Variants in IRF1 observed in about 807,000 individuals in gnomAD.
IRF1 encodes interferon regulatory factor-1.
A neutral mutation model predicts 43.7 loss-of-function variants in IRF1; 13 were observed. The observed-to-expected ratio is 0.30, with a 90% confidence interval of 0.19 to 0.47. IRF1 has a LOEUF of 0.47. Ranked by LOEUF, IRF1 falls within the 20% of genes least tolerant of loss-of-function variation. The pLI, the probability that IRF1 is intolerant of heterozygous loss-of-function variation, is 0.99. For synonymous variants in IRF1, 138 were observed against 146.8 expected (o/e 0.94, Z 0.43); for missense variants, 236 against 408.9 (o/e 0.58, Z 3.65).
intron 3 of IRF1, chr5:132,487,408 T>G (rs1754564530): frequency 2.1e-6 from 1 of 466,276 alleles, no homozygotes; most frequent in Non-Finnish European, 3.9e-6. Context: ...ACTATCTGTG[T>G]CTCAGACTAT....
In IRF1 at chr5:132,486,350, T is replaced by C. The variant is rs778137159; in HGVS notation, c.568A>G (p.Ser190Gly). 1.2e-5 allele frequency: 20 copies of C among 1,612,560 alleles called. No homozygotes were observed. In the Admixed American group the frequency reaches 3.3e-4, roughly 27 times the overall value. ...GGGATGTGCCAGTCGGGGAGAGTGC[T>C]GCTGACAGCACATGGCGACAGTGCT... The part of the protein sequence containing the change: ...TPALSPCAVS[S>G]TLPDWHIPVE... The change falls in exon 7 of 10, where the codon AGC becomes GGC. Residue 190 changes from serine to glycine, a missense_variant. Physicochemically the swap from Ser to Gly is moderately conservative, Grantham distance 56 (BLOSUM62 0). Transcript: ENST00000245414.
intron 3 of IRF1, chr5:132,487,480 C>A (rs1305463180): frequency 5.5e-6 from 2 of 366,452 alleles, no homozygotes; most frequent in African/African-American, 4.1e-5. Context: ...GACTGGGCAG[C>A]AGAGAACAGT....
intron 3 of IRF1, 148 bp from the exon 4 acceptor site, chr5:132,487,278 C>T: frequency 7.9e-6 from 6 of 764,296 alleles, no homozygotes; most frequent in Non-Finnish European, 1.1e-5. Flanking sequence ...CTCCCGGTGA[C>T]ACTCTGCAGG....
chr5:132,489,729 T>G (rs1464750470), intron 1 of IRF1: 1 of 431,542 alleles, frequency 2.3e-6, no homozygotes, highest in Non-Finnish European at 4.3e-6. Flanking sequence ...GAGACAGGCA[T>G]GCAAGTGATG....
rs1201678840 is a variant in IRF1, at chr5:132,486,299, T to C, written c.619A>G (p.Ser207Gly). Residue 207 changes from serine to glycine, a missense_variant, in exon 7 of 10, where the codon AGT (serine) becomes GGT (glycine). Around this residue, in one of 2 missense-constraint regions of IRF1, gnomAD observed 170 missense variants for 251.8 expected, o/e 0.68. Coordinates refer to ENST00000245414, the MANE Select transcript of IRF1 (RefSeq NM_002198.3). ...IPVEVVPDST[S>G]DLYNFQVSPM... ...GACACCTGGAAGTTGTACAGATCAC[T>C]GGTGCTGTCCGGCACAACTTCCACT... 5 of 1,613,476 alleles carry C rather than the reference T, an allele frequency of 3.1e-6. No homozygotes were observed. Among genetic ancestry groups the C allele is most frequent in the Non-Finnish European group, 4.2e-6 (5 of 1,180,010 alleles).
Position 132,486,174 on chromosome 5 carries a change from T to G in IRF1, c.667+77A>C, listed in dbSNP as rs10214312. On this transcript the variant is annotated intron_variant, in intron 7 of 9. Coordinates refer to ENST00000245414, the MANE Select transcript of IRF1 (RefSeq NM_002198.3). ...AATTCAGTGCCAGGTGGAGTTCTGA[T>G]CATCTTTTCTCTCTCAGGAAGCCCT... 540,485 of 1,569,128 alleles carry G rather than the reference T, an allele frequency of 0.34. 94,812 individuals carry two copies. Among genetic ancestry groups the G allele is most frequent in the African/African-American group, 0.49 (36,171 of 73,986 alleles).
intron 1 of IRF1, chr5:132,489,697 C>G: frequency 2.0e-6 from 1 of 502,246 alleles, no homozygotes; most frequent in Admixed American, 3.1e-5. Flanking sequence ...TTCCTTCAGC[C>G]CCTCCCAGCC....
intron 8 of IRF1, 180 bp from the exon 9 acceptor site, chr5:132,484,677 A>G (rs1249680912): frequency 1.5e-6 from 1 of 675,680 alleles, no homozygotes; most frequent in East Asian, 2.7e-5. Flanking sequence ...GAGGAGGCAG[A>G]AATGCATGTT....
chr5:132,489,366 A>G, intron 2 of IRF1, 26 bp downstream of exon 2: 2 of 1,556,188 alleles, frequency 1.3e-6, no homozygotes, highest in Non-Finnish European at 1.8e-6. Flanking sequence ...AAACAGTGGC[A>G]GGAAAACCCA....
At chr5:132,485,418 C>T in intron 8 of IRF1, 1 of 542,258 alleles carries the variant, frequency 1.8e-6, no homozygotes, top group Non-Finnish European at 3.4e-6. Context: ...GTGCCTGACT[C>T]ACAGAGCTGT....
At chr5:132,489,542 A>T in intron 1 of IRF1, 59 bp from the exon 2 acceptor site, 5 of 1,356,852 alleles carry the variant, frequency 3.7e-6, no homozygotes, top group Non-Finnish European at 4.2e-6. Context: ...CTGGGCAGTG[A>T]CCTGCCCCAC....
At chr5:132,485,346 C>T (rs558500603) in intron 8 of IRF1, 6 of 325,178 alleles carry the variant, frequency 1.8e-5, no homozygotes, top group South Asian at 6.1e-5. Context: ...GTGCATTTCC[C>T]GAACTAGCAG....
At chr5:132,487,897 C>T (rs767077054) in intron 3 of IRF1, 29 bp downstream of exon 3, 109 of 1,547,886 alleles carry the variant, frequency 7.0e-5, no homozygotes, top group Non-Finnish European at 9.5e-5. Context: ...CTACCCTGGG[C>T]TTCCTAGGCC....
At chr5:132,489,621 A>G (rs1191534143) in intron 1 of IRF1, 138 bp from the exon 2 acceptor site, 4 of 629,688 alleles carry the variant, frequency 6.4e-6, no homozygotes, top group Non-Finnish European at 1.1e-5. Flanking sequence ...TGCGGAGGGG[A>G]GCTGCGCTGG....
intron 8 of IRF1, 127 bp downstream of exon 8, chr5:132,485,540 G>T (rs1231601131): frequency 2.5e-6 from 2 of 812,360 alleles, no homozygotes; most frequent in Non-Finnish European, 4.4e-6. Context: ...TGTGGCACTT[G>T]TGGGACAATG....
At chr5:132,486,159 C>A in intron 7 of IRF1, 92 bp downstream of exon 7, 1 of 1,522,922 alleles carries the variant, frequency 6.6e-7, no homozygotes, top group South Asian at 1.2e-5. Flanking sequence ...AATTCAGTGC[C>A]AGGTGGAGTT....
chr5:132,485,849 A>ACACACACACACACAC lies in IRF1; in HGVS notation c.668-134_668-133insGTGTGTGTGTGTGTG, dbSNP rs111906639. The ACACACACACACACAC allele has an allele frequency of 5.4e-4, 359 of 669,882 alleles. 1 individual carries two copies. Among genetic ancestry groups the ACACACACACACACAC allele is most frequent in the East Asian group, 2.1e-3 (76 of 36,440 alleles). The allele number at this position is 669,882 out of a possible 1,614,324, so 41.5% of individuals were successfully genotyped here. On this transcript the variant is annotated intron_variant, in intron 7 of 9. Transcript: ENST00000245414. The stretch of plus-strand genomic sequence containing the variant: ...CTCTGACACACACACACACACACAC[A>ACACACACACACACAC]CCCTCCCGGTGGACCTATCTGCCAT...
intron 9 of IRF1, 91 bp downstream of exon 9, chr5:132,484,271 G>A (rs768895072): frequency 2.5e-5 from 34 of 1,361,770 alleles, no homozygotes; most frequent in East Asian, 4.9e-5. Flanking sequence ...ATGCTTTACC[G>A]CCCTGCTCCC....
chr5:132,484,062 C>T lies in IRF1; in HGVS notation c.867G>A (p.Leu289=). ...GATCTGTGAAGACACGCTGTAGACT[C>T]AGCCCAATATCCCCTAGAAGATGTG... ...EIDSPGGDIG[L]SLQRVFTDLK... is the part of the protein sequence containing the mutation. Residue 289 remains leucine, a synonymous_variant, in exon 10 of 10, where the codon CTG becomes CTA. Coordinates refer to ENST00000245414, the MANE Select transcript of IRF1 (RefSeq NM_002198.3). 2 of 1,613,972 alleles carry T rather than the reference C, an allele frequency of 1.2e-6. No individual in the cohort carries two copies. The highest frequency in any genetic ancestry group is 1.7e-6 in the Non-Finnish European group (2 of 1,179,966).
Sources: allele counts gnomAD v4.1 joint callset, GRCh38; gene constraint gnomAD v4.1.1; regional missense constraint gnomAD v4.1.1; transcripts MANE v1.5; gene names NCBI Gene and HGNC (gene_info 2026-07-23, HGNC 2026-07-21).